Variants in MIER2 observed in about 807,000 individuals in gnomAD.
MIER2 encodes the protein mesoderm induction early response protein 2.
Under a neutral mutation model 67.6 loss-of-function variants are expected in MIER2, and 30 were observed. The observed-to-expected ratio is 0.44, with a 90% confidence interval of 0.33 to 0.60. MIER2 has a LOEUF of 0.60. Ranked by LOEUF, MIER2 falls within the 20% of genes least tolerant of loss-of-function variation. The pLI, the probability that MIER2 is intolerant of heterozygous loss-of-function variation, is 0.02. For missense variants in MIER2, 702 were observed against 745.1 expected (o/e 0.94, Z 0.67); for synonymous variants, 372 against 312.6 (o/e 1.19, Z -2.00).
chr19:318,174 A>G (rs1971340917), intron 7 of MIER2, among the ~76,000 whole-genome samples: 1 of 152,210 alleles, frequency 6.6e-6, no homozygotes, highest in Admixed American at 6.5e-5. Flanking sequence ...AATGCACTCC[A>G]GAGACTCCGT....
At chr19:343,810 A>T (rs901867721) in intron 1 of MIER2, 1 of 982,282 alleles carries the variant, frequency 1.0e-6, no homozygotes, top group Non-Finnish European at 1.2e-6. Flanking sequence ...CTTCACCTAC[A>T]TTATCTCTTT....
intron 7 of MIER2, among the ~76,000 whole-genome samples, chr19:323,852 T>A (rs951157568): frequency 2.8e-5 from 4 of 142,018 alleles, no homozygotes; most frequent in African/African-American, 1.1e-4. Context: ...ACAACTCGAA[T>A]GACACAGGCG....
intron 7 of MIER2, among the ~76,000 whole-genome samples, chr19:323,925 C>T (rs565164081): frequency 6.6e-6 from 1 of 151,308 alleles, no homozygotes; most frequent in East Asian, 2.0e-4. Flanking sequence ...ACATAGGCGT[C>T]ATCACAATGC....
In MIER2 at chr19:305,878, G is replaced by C. The variant is rs370996130; in HGVS notation, c.*812C>G. ...ACCTGCAGGGCTGGGGAAACAGGCT[G>C]GAGTCTGGCCCCTGCGTGGCCAGCA... On this transcript the variant is annotated 3_prime_UTR_variant, in exon 14 of 14. Coordinates refer to ENST00000264819, the MANE Select transcript of MIER2 (RefSeq NM_017550.3). The C allele has an allele frequency of 6.6e-6, 1 of 152,408 alleles. No individual in the cohort carries two copies. Among genetic ancestry groups the C allele is most frequent in the African/African-American group, 2.4e-5 (1 of 41,458 alleles). 9.4% of individuals were successfully genotyped at this position (152,408 alleles called of 1,614,324 possible). A position where few individuals can be genotyped will look rare whatever the true frequency, so the allele number is the denominator to read the frequency against.
At chr19:322,862 C>T (rs544641649) in intron 7 of MIER2, among the ~76,000 whole-genome samples, 47 of 152,282 alleles carry the variant, frequency 3.1e-4, no homozygotes, top group Admixed American at 1.2e-3. Flanking sequence ...ATGACCGCAG[C>T]CCATGGCAGA....
In MIER2 at chr19:310,372, C is replaced by T. The variant is rs561361037; in HGVS notation, c.985-1447G>A. ...CAGGGCAAACCTCAAACGCACGCCA[C>T]GAGGGAGCTCTTCTGTGAAGGGCCA... On this transcript the variant is annotated intron_variant, in intron 10 of 13. Coordinates refer to ENST00000264819, the MANE Select transcript of MIER2 (RefSeq NM_017550.3). Among the ~76,000 whole-genome samples, 3 of 152,326 alleles carry T rather than the reference C, an allele frequency of 2.0e-5. No individual in the cohort carries two copies. The East Asian group carries it at 5.8e-4, about 29-fold the overall frequency.
At chr19:326,409 G>A in intron 6 of MIER2, 98 bp downstream of exon 6, 1 of 1,115,600 alleles carries the variant, frequency 9.0e-7, no homozygotes, top group Non-Finnish European at 1.4e-6. Context: ...GGGATGCCAG[G>A]CTGGGGAGAC....
At position 306,674 on chromosome 19, in the gene MIER2, C is replaced by T. The variant is rs760560149; in HGVS notation, c.*16G>A. 4.7e-5 allele frequency: 73 copies of T among 1,553,942 alleles called. 1 individual carries two copies. The South Asian group carries it at 5.9e-4, about 13-fold the overall frequency. On this transcript the variant is annotated 3_prime_UTR_variant, in exon 14 of 14. Coordinates refer to ENST00000264819, the MANE Select transcript of MIER2 (RefSeq NM_017550.3). The stretch of plus-strand genomic sequence containing the variant: ...TAAGTCCAGTCTGGGCCGCATACGC[C>T]GCCCGCGGCCAGGAGTCAGCAGGTC...
rs190518420 is a variant in MIER2 at position 334,575 on chromosome 19, G to A, written c.101-33C>T. 7,606 of 1,605,248 alleles carry A rather than the reference G, an allele frequency of 4.7e-3. 23 individuals are homozygous for A. The highest frequency in any genetic ancestry group is 5.4e-3 in the Non-Finnish European group (6,400 of 1,176,712). ...GAAGAGAGCAGCCCAGGTGAGCACC[G>A]TGCCTCGCCTGTCCCAACCATCCTG... On this transcript the variant is annotated intron_variant, in intron 2 of 13. Coordinates refer to ENST00000264819, the MANE Select transcript of MIER2 (RefSeq NM_017550.3).
At chr19:320,580 C>T (rs1342767358) in intron 7 of MIER2, among the ~76,000 whole-genome samples, 1 of 152,186 alleles carries the variant, frequency 6.6e-6, no homozygotes, top group Non-Finnish European at 1.5e-5. Context: ...TGCCTGACTC[C>T]GCCTCCTGTC....
At chr19:332,295 T>C (rs1028560363) in intron 3 of MIER2, among the ~76,000 whole-genome samples, 1 of 152,050 alleles carries the variant, frequency 6.6e-6, no homozygotes, top group African/African-American at 2.4e-5. Context: ...TAAGTATTTT[T>C]ACATGTCAAT....
Position 306,641 on chromosome 19 carries a change from G to T in MIER2, c.*49C>A. ...GAAGACTGACAGAGGCGGGCCCAGC[G>T]GCAGCGCTAAGTCCAGTCTGGGCCG... On this transcript the variant is annotated 3_prime_UTR_variant, in exon 14 of 14. Transcript: ENST00000264819. 6.5e-7 allele frequency: 1 copy of T among 1,549,926 alleles called. No homozygotes were observed. Among genetic ancestry groups the T allele is most frequent in the Non-Finnish European group, 8.7e-7 (1 of 1,146,316 alleles).
intron 7 of MIER2, among the ~76,000 whole-genome samples, chr19:314,529 A>T (rs1274153152): frequency 6.6e-6 from 1 of 152,174 alleles, no homozygotes; most frequent in Non-Finnish European, 1.5e-5. Flanking sequence ...GCACTGGGGA[A>T]AACAGCTCCA....
chr19:310,272 G>A lies in MIER2; in HGVS notation c.985-1347C>T, dbSNP rs963497344. Among the ~76,000 whole-genome samples the A allele has an allele frequency of 1.3e-4, 20 of 152,348 alleles. No homozygotes were observed. The East Asian group carries it at 2.1e-3, about 16-fold the overall frequency. ...CAACTAACCCACCGCCACCCAGAAC[G>A]AGGATGCCCCATGCTCACCGCTGCG... On this transcript the variant is annotated intron_variant, in intron 10 of 13. Coordinates refer to ENST00000264819, the MANE Select transcript of MIER2 (RefSeq NM_017550.3).
chr19:323,714 C>T (rs904516938), intron 7 of MIER2, among the ~76,000 whole-genome samples: 2 of 151,882 alleles, frequency 1.3e-5, no homozygotes, highest in Admixed American at 6.6e-5. Flanking sequence ...ACACACGCAA[C>T]CACACAGACA....
chr19:322,543 G>A (rs551382651), intron 7 of MIER2, among the ~76,000 whole-genome samples: 20 of 152,152 alleles, frequency 1.3e-4, no homozygotes, highest in African/African-American at 4.3e-4. Flanking sequence ...CTTGGAGCAC[G>A]CAAAGAGAGA....
chr19:319,277 G>A (rs986396420), intron 7 of MIER2, among the ~76,000 whole-genome samples: 15 of 151,912 alleles, frequency 9.9e-5, no homozygotes, highest in Admixed American at 6.6e-5. Flanking sequence ...CAGGAGAATC[G>A]TTTGAACCTT....
chr19:336,011 A>C (rs1972235122), intron 2 of MIER2, 72 bp downstream of exon 2: 1 of 1,447,716 alleles, frequency 6.9e-7, no homozygotes, highest in African/African-American at 1.4e-5. Context: ...AGCCAGGCCC[A>C]GCAGGCATTC....
chr19:329,287 G>C (rs746188228), intron 3 of MIER2, among the ~76,000 whole-genome samples: 5 of 152,140 alleles, frequency 3.3e-5, no homozygotes, highest in African/African-American at 1.2e-4. Context: ...ACAGGACCCC[G>C]TGGAAAGAAC....
Sources: gnomAD v4.1 joint callset for allele counts (sites outside exome capture counted in the v4.1 genomes callset) on GRCh38, gnomAD v4.1.1 for gene constraint, MANE v1.5 for transcripts, NCBI Gene and HGNC (gene_info 2026-07-23, HGNC 2026-07-21) for gene names.